Variants in CASZ1 observed in about 807,000 individuals in gnomAD.
CASZ1 encodes zinc finger protein castor homolog 1.
Under a neutral mutation model 135.2 loss-of-function variants are expected in CASZ1, and 28 were observed. The ratio of observed to expected loss-of-function variants is 0.21; its 90% confidence interval spans 0.15 to 0.28. The LOEUF is 0.28. Ranked by LOEUF, CASZ1 falls within the 10% of genes least tolerant of loss-of-function variation. The pLI is 1.00. For missense variants in CASZ1, 2,161 were observed against 2,453.3 expected, an observed-to-expected ratio of 0.88 and a Z score of 2.52; for synonymous variants, 1,068 against 1,073.4, an observed-to-expected ratio of 0.99 and a Z score of 0.10.
chr1:10,765,282 C>T (rs975516787), intron 1 of CASZ1, among the ~76,000 whole-genome samples: 3 of 151,358 alleles, frequency 2.0e-5, no homozygotes, highest in Non-Finnish European at 4.4e-5. Flanking sequence ...AAGATAAGCC[C>T]GGGGTGGGGA....
intron 4 of CASZ1, among the ~76,000 whole-genome samples, chr1:10,667,764 C>T (rs1203496975): frequency 6.6e-6 from 1 of 152,164 alleles, no homozygotes; most frequent in Non-Finnish European, 1.5e-5. Flanking sequence ...GAAGCAGAAG[C>T]TCCCAGGGCC....
At chr1:10,743,505 G>C (rs1008361165) in intron 2 of CASZ1, among the ~76,000 whole-genome samples, 5 of 151,414 alleles carry the variant, frequency 3.3e-5, no homozygotes, top group Non-Finnish European at 7.4e-5. Context: ...TACTCAGGGG[G>C]ATGGGCTGGG....
intron 2 of CASZ1, among the ~76,000 whole-genome samples, chr1:10,752,857 G>A (rs912563632): frequency 1.3e-5 from 2 of 152,186 alleles, no homozygotes; most frequent in African/African-American, 4.8e-5. Context: ...CCAACATGGT[G>A]AAACCCCGAC....
chr1:10,638,767 G>T lies in CASZ1; in HGVS notation c.*175C>A, dbSNP rs1642081699. The T allele has an allele frequency of 1.8e-6, 1 of 563,944 alleles. No homozygotes were observed. The highest frequency in any genetic ancestry group is 2.2e-6 in the Non-Finnish European group (1 of 444,812). The allele number at this position is 563,944 out of a possible 1,614,324, so 34.9% of individuals were successfully genotyped here. A position where few individuals can be genotyped will look rare whatever the true frequency, so the allele number is the denominator to read the frequency against. On this transcript the variant is annotated 3_prime_UTR_variant, in exon 21 of 21. Transcript: ENST00000377022. The surrounding 1 kb of genome is among the most constrained non-coding windows in gnomAD (Gnocchi z 5.9). ...TCCCTAGAGCAGGGCCACCGCCGCC[G>T]CCTGTGTCCTCGGCCGCGGAGCACC... is the stretch of plus-strand genomic sequence containing the variant.
chr1:10,690,022 C>T (rs986730550), intron 4 of CASZ1, among the ~76,000 whole-genome samples: 1 of 152,232 alleles, frequency 6.6e-6, no homozygotes. Flanking sequence ...CTGGCAAAAC[C>T]GGTGCCCAAC....
At chr1:10,644,524 C>A (rs1176902243) in intron 18 of CASZ1, among the ~76,000 whole-genome samples, 1 of 152,178 alleles carries the variant, frequency 6.6e-6, no homozygotes, top group Non-Finnish European at 1.5e-5. Flanking sequence ...TCACTGCGGA[C>A]AAAAACCTCA....
chr1:10,722,019 G>A (rs1196398154), intron 2 of CASZ1, among the ~76,000 whole-genome samples: 1 of 152,362 alleles, frequency 6.6e-6, no homozygotes, highest in East Asian at 1.9e-4. Context: ...CAGAGCATCT[G>A]CTCGTTAAGA....
chr1:10,706,979 G>A lies in CASZ1; in HGVS notation c.-76-1435C>T, dbSNP rs763873379. Among the ~76,000 whole-genome samples the A allele has an allele frequency of 1.6e-4, 24 of 152,090 alleles. No individual in the cohort carries two copies. The highest frequency in any genetic ancestry group is 3.1e-4 in the Non-Finnish European group (21 of 67,994). On this transcript the variant is annotated intron_variant, in intron 2 of 20. Transcript: ENST00000377022. This position sits in a 1 kb window ranked among gnomAD's most constrained non-coding sequence, Gnocchi z 4.3. The stretch of plus-strand genomic sequence containing the variant: ...AGAGGAGAGGATGGAGGAGGAGGCC[G>A]GCAGGGAGGGTCACAGGGTCCGGGG...
rs368235981 is a variant in CASZ1, at chr1:10,759,287, G to C, written c.-77+1414C>G. 6.6e-6 allele frequency among the ~76,000 whole-genome samples: 1 copy of C among 152,166 alleles called. No homozygotes were observed. Among genetic ancestry groups the C allele is most frequent in the East Asian group, 1.9e-4 (1 of 5,202 alleles). On this transcript the variant is annotated intron_variant, in intron 2 of 20. Transcript: ENST00000377022. The surrounding 1 kb of genome is among the most constrained non-coding windows in gnomAD (Gnocchi z 4.2). Reference sequence around the variant, plus strand: ...AAGCAGAGTCTGTTAAGAATAGCCCGGGAAGGTGGCAGAGGTGCAGGTGCT... The same window carrying C: ...AAGCAGAGTCTGTTAAGAATAGCCCCGGAAGGTGGCAGAGGTGCAGGTGCT...
intron 4 of CASZ1, among the ~76,000 whole-genome samples, chr1:10,671,314 G>A (rs1643390530): frequency 6.6e-6 from 1 of 152,216 alleles, no homozygotes; most frequent in African/African-American, 2.4e-5. Flanking sequence ...CAGACCGCGT[G>A]CATGCCTGTG....
rs1317863692 is a variant in CASZ1, at chr1:10,700,006, G to GAA, written c.-24+5484_-24+5485dup. The stretch of plus-strand genomic sequence containing the variant: ...AGAGAGACAGGCAGAGAGAGAGAGA[G>GAA]AAACAGAGACAGAGAAAGAGAGAGA... On this transcript the variant is annotated intron_variant, in intron 3 of 20. Transcript: ENST00000377022. This position sits in a 1 kb window ranked among gnomAD's most constrained non-coding sequence, Gnocchi z 4.2. 6.6e-6 allele frequency among the ~76,000 whole-genome samples: 1 copy of GAA among 151,666 alleles called. No individual in the cohort carries two copies. The highest frequency in any genetic ancestry group is 1.5e-5 in the Non-Finnish European group (1 of 67,898).
rs1179633595 is a variant in CASZ1, at chr1:10,676,276, C to T, written c.17-10705G>A. Among the ~76,000 whole-genome samples, 1 of 152,196 alleles carries T rather than the reference C, an allele frequency of 6.6e-6. No homozygotes were observed. The highest frequency in any genetic ancestry group is 2.4e-5 in the African/African-American group (1 of 41,460). Reference sequence around the variant, plus strand: ...TCCCCCATGCTGCTTCTCATTCCCTCTCCCGGAAGCCCTGGGCTCCCGCTA... The same window carrying T: ...TCCCCCATGCTGCTTCTCATTCCCTTTCCCGGAAGCCCTGGGCTCCCGCTA... On this transcript the variant is annotated intron_variant, in intron 4 of 20. Transcript: ENST00000377022. This position sits in a 1 kb window ranked among gnomAD's most constrained non-coding sequence, Gnocchi z 4.5.
In CASZ1 at chr1:10,748,769, A is replaced by G. The variant is rs764214816; in HGVS notation, c.-77+11932T>C. Among the ~76,000 whole-genome samples, 49 of 152,292 alleles carry G rather than the reference A, an allele frequency of 3.2e-4. 1 individual carries two copies. Among genetic ancestry groups the G allele is most frequent in the Non-Finnish European group, 2.5e-4 (17 of 68,030 alleles). On this transcript the variant is annotated intron_variant, in intron 2 of 20. Coordinates refer to ENST00000377022, the MANE Select transcript of CASZ1 (RefSeq NM_001079843.3). Reference sequence around the variant, plus strand: ...CTGAACTGTAATGTAGGTGACAGTCATAAACTCCACAGTGTCTCCAATTCC... The same window carrying G: ...CTGAACTGTAATGTAGGTGACAGTCGTAAACTCCACAGTGTCTCCAATTCC...
chr1:10,640,125 C>T (rs1347405470), intron 20 of CASZ1, 66 bp from the exon 21 acceptor site: 2 of 1,536,080 alleles, frequency 1.3e-6, no homozygotes, highest in East Asian at 2.3e-5. Context: ...CAGGGTTACA[C>T]CCACATGGGA....
At position 10,767,883 on chromosome 1, in the gene CASZ1, C is replaced by G. The variant is rs564442915; in HGVS notation, c.-233-7026G>C. ...GAGGAGGGCCACGACCCTGGCATCA[C>G]CCCAGTCCCCCAACGCCCACTCCAA... On this transcript the variant is annotated intron_variant, in intron 1 of 20. Transcript: ENST00000377022. This position sits in a 1 kb window ranked among gnomAD's most constrained non-coding sequence, Gnocchi z 4.2. Among the ~76,000 whole-genome samples the G allele has an allele frequency of 6.9e-6, 1 of 144,140 alleles. No homozygotes were observed. The highest frequency in any genetic ancestry group is 1.6e-5 in the Non-Finnish European group (1 of 63,690). 94.6% of individuals were successfully genotyped at this position (144,140 alleles called of 152,430 possible). A position where few individuals can be genotyped will look rare whatever the true frequency, so the allele number is the denominator to read the frequency against.
chr1:10,721,710 G>A lies in CASZ1; in HGVS notation c.-76-16166C>T, dbSNP rs1237299306. Among the ~76,000 whole-genome samples the A allele has an allele frequency of 6.6e-6, 1 of 152,218 alleles. No individual in the cohort carries two copies. Among genetic ancestry groups the A allele is most frequent in the Non-Finnish European group, 1.5e-5 (1 of 68,028 alleles). Reference sequence around the variant, plus strand: ...ACCACTGACCTGCAAGTGCCGACCTGCAAACCAGGAAGTGGACGGCCCCAG... The same window carrying A: ...ACCACTGACCTGCAAGTGCCGACCTACAAACCAGGAAGTGGACGGCCCCAG... On this transcript the variant is annotated intron_variant, in intron 2 of 20. Coordinates refer to ENST00000377022, the MANE Select transcript of CASZ1 (RefSeq NM_001079843.3). The surrounding 1 kb of genome is among the most constrained non-coding windows in gnomAD (Gnocchi z 5.4).
rs1423361099 is a variant in CASZ1, at chr1:10,735,977, T to C, written c.-77+24724A>G. On this transcript the variant is annotated intron_variant, in intron 2 of 20. Coordinates refer to ENST00000377022, the MANE Select transcript of CASZ1 (RefSeq NM_001079843.3). The surrounding 1 kb of genome is among the most constrained non-coding windows in gnomAD (Gnocchi z 5.1). ...CAGGGGCAGGGCAGTTTGACCTCCT[T>C]AAGACAGGGGGAGAATGCAGAGCAT... 1.3e-5 allele frequency among the ~76,000 whole-genome samples: 2 copies of C among 152,082 alleles called. No homozygotes were observed. The highest frequency in any genetic ancestry group is 2.9e-5 in the Non-Finnish European group (2 of 68,012).
intron 6 of CASZ1, 23 bp downstream of exon 6, chr1:10,659,679 T>C (rs765397835): frequency 1.9e-6 from 3 of 1,557,614 alleles, no homozygotes; most frequent in Non-Finnish European, 2.7e-6. Flanking sequence ...GCTCTGGGCA[T>C]TGTGGGGTGG....
Position 10,660,460 on chromosome 1 carries a change from C to G in CASZ1, c.582G>C (p.Gln194His). The G allele has an allele frequency of 6.2e-7, 1 of 1,614,168 alleles. No individual in the cohort carries two copies. The highest frequency in any genetic ancestry group is 2.2e-5 in the East Asian group (1 of 44,880). ...TCCTGGCCAGCTCGTCCCGCGTGTT[C>G]TGGTCATCATAGCCAAACATGCCGA... ...EFLGMFGYDD[Q>H]NTRDELARKI... is the part of the protein sequence containing the mutation. The change falls in exon 6 of 21, where the codon CAG becomes CAC. Residue 194 changes from glutamine to histidine, a missense_variant. Physicochemically the swap from Gln to His is conservative, Grantham distance 24. This residue lies in a region of CASZ1 where 590 missense variants were observed against 609.8 expected (regional missense o/e 0.97). Transcript: ENST00000377022.
Sources: gnomAD v4.1 joint callset for allele counts (sites outside exome capture counted in the v4.1 genomes callset) on GRCh38, gnomAD v4.1.1 for gene constraint, gnomAD v4.1.1 regional missense constraint, Gnocchi (gnomAD v3.1) non-coding constraint, MANE v1.5 for transcripts, NCBI Gene and HGNC (gene_info 2026-07-23, HGNC 2026-07-21) for gene names.